EIPR1: variants seen among roughly 807,000 people sequenced by gnomAD.
EIPR1 encodes the protein EARP complex and GARP complex interacting protein 1, also known as EARP and GARP complex-interacting protein 1.
EIPR1 carries 25 observed loss-of-function variants against 48.1 expected under a neutral mutation model. The observed-to-expected ratio is 0.52, with a 90% confidence interval of 0.38 to 0.73. The LOEUF is 0.73. Ranked by LOEUF, EIPR1 falls within the 30% of genes least tolerant of loss-of-function variation. EIPR1 has a pLI of 0.00. For missense variants in EIPR1, 415 were observed against 506.2 expected, an observed-to-expected ratio of 0.82 and a Z score of 1.73; for synonymous variants, 204 against 201.9, an observed-to-expected ratio of 1.01 and a Z score of -0.09.
intron 4 of EIPR1, among the ~76,000 whole-genome samples, chr2:3,217,227 T>A (rs545078955): frequency 6.6e-6 from 1 of 152,188 alleles, no homozygotes; most frequent in Admixed American, 6.5e-5. Flanking sequence ...CTAGGGCAGT[T>A]CGTTTTGGAT....
intron 4 of EIPR1, among the ~76,000 whole-genome samples, chr2:3,255,881 C>T (rs1384422144): frequency 6.6e-6 from 1 of 152,230 alleles, no homozygotes; most frequent in African/African-American, 2.4e-5. Context: ...GCATCACACA[C>T]ATGCGCACAA....
At chr2:3,309,595 G>A (rs1020258180) in intron 3 of EIPR1, among the ~76,000 whole-genome samples, 1 of 152,130 alleles carries the variant, frequency 6.6e-6, no homozygotes, top group African/African-American at 2.4e-5. Context: ...GCTCCATACG[G>A]CCTATGCAGT....
intron 1 of EIPR1, among the ~76,000 whole-genome samples, chr2:3,364,406 G>A (rs928542727): frequency 3.9e-5 from 6 of 152,118 alleles, no homozygotes; most frequent in Admixed American, 6.5e-5. Context: ...AAGGCAGGAG[G>A]ATTGCTTGAG....
chr2:3,212,983 T>C (rs1476609488), intron 5 of EIPR1, among the ~76,000 whole-genome samples: 1 of 152,238 alleles, frequency 6.6e-6, no homozygotes, highest in Non-Finnish European at 1.5e-5. Flanking sequence ...GTCTTACTTC[T>C]GTGCCACTTA....
At chr2:3,226,223 T>C (rs1666060382) in intron 4 of EIPR1, among the ~76,000 whole-genome samples, 1 of 152,246 alleles carries the variant, frequency 6.6e-6, no homozygotes, top group African/African-American at 2.4e-5. Context: ...TTTTCCATTA[T>C]GTTCATTCCC....
intron 1 of EIPR1, among the ~76,000 whole-genome samples, chr2:3,368,129 G>A (rs1051078894): frequency 2.6e-5 from 4 of 152,112 alleles, no homozygotes; most frequent in Admixed American, 2.0e-4. Flanking sequence ...ACCCTGAAGC[G>A]CTGGCCTGGT....
chr2:3,219,463 G>C (rs1558231546), intron 4 of EIPR1, among the ~76,000 whole-genome samples: 1 of 151,410 alleles, frequency 6.6e-6, no homozygotes, highest in Non-Finnish European at 1.5e-5. Flanking sequence ...AGCTTTCACA[G>C]TGAGTCAGGT....
At chr2:3,339,033 A>G (rs1163531319) in intron 2 of EIPR1, among the ~76,000 whole-genome samples, 1 of 152,266 alleles carries the variant, frequency 6.6e-6, no homozygotes, top group Non-Finnish European at 1.5e-5. Flanking sequence ...AAACTGTTCA[A>G]ATAAATTGCA....
chr2:3,373,133 A>G (rs1365484508), intron 1 of EIPR1, among the ~76,000 whole-genome samples: 2 of 151,836 alleles, frequency 1.3e-5, no homozygotes, highest in African/African-American at 4.8e-5. Context: ...CAAAAACCAT[A>G]TGATTATCTC....
intron 3 of EIPR1, among the ~76,000 whole-genome samples, chr2:3,306,701 G>A (rs995139871): frequency 6.6e-6 from 1 of 152,174 alleles, no homozygotes; most frequent in Non-Finnish European, 1.5e-5. Flanking sequence ...GTGGAAGTGG[G>A]ATCATCATAA....
Position 3,272,736 on chromosome 2 carries a change from CCA to C in EIPR1, c.260-15283_260-15282del, listed in dbSNP as rs1667735409. On this transcript the variant is annotated intron_variant, in intron 3 of 8. Coordinates refer to ENST00000382125, the MANE Select transcript of EIPR1 (RefSeq NM_003310.5). ...AATATTGTGAGATTATCAAAATGTG[CCA>C]CAGAGTGGGACGTGCTGTTAAAGCT... Among the ~76,000 whole-genome samples the C allele has an allele frequency of 2.0e-5, 3 of 152,278 alleles. No homozygotes were observed. In the South Asian group the frequency reaches 6.2e-4, roughly 32 times the overall value.
chr2:3,202,138 C>T (rs956617142), intron 5 of EIPR1, among the ~76,000 whole-genome samples: 21 of 152,192 alleles, frequency 1.4e-4, no homozygotes, highest in Middle Eastern at 3.4e-3. Flanking sequence ...GGGGTTTCAC[C>T]ATGTTAGCCA....
intron 2 of EIPR1, among the ~76,000 whole-genome samples, chr2:3,351,764 C>T (rs1670584584): frequency 6.6e-6 from 1 of 152,220 alleles, no homozygotes; most frequent in Admixed American, 6.5e-5. Context: ...ATTTTACATC[C>T]TGAATAGATG....
Position 3,231,266 on chromosome 2 carries a change from C to T in EIPR1, c.417-17018G>A, listed in dbSNP as rs534624428. 5.3e-5 allele frequency among the ~76,000 whole-genome samples: 8 copies of T among 152,236 alleles called. No homozygotes were observed. The South Asian group carries it at 1.2e-3, about 24-fold the overall frequency. On this transcript the variant is annotated intron_variant, in intron 4 of 8. Coordinates refer to ENST00000382125, the MANE Select transcript of EIPR1 (RefSeq NM_003310.5). ...GCTTTAGTGGAATCTTTAGGGTTTT[C>T]TATATTAGGATCATGTTGTCTACAA...
chr2:3,224,210 T>C (rs1323172539), intron 4 of EIPR1, among the ~76,000 whole-genome samples: 1 of 152,114 alleles, frequency 6.6e-6, no homozygotes, highest in Non-Finnish European at 1.5e-5. Flanking sequence ...CCGTTTTCCA[T>C]CATTAAAACA....
intron 1 of EIPR1, among the ~76,000 whole-genome samples, chr2:3,357,812 A>C (rs1017443893): frequency 4.9e-5 from 7 of 142,490 alleles, no homozygotes; most frequent in Non-Finnish European, 7.4e-5. Flanking sequence ...TTTTCTTTTA[A>C]CAGAGTCCGT....
At chr2:3,226,206 C>T (rs1666059719) in intron 4 of EIPR1, among the ~76,000 whole-genome samples, 1 of 152,190 alleles carries the variant, frequency 6.6e-6, no homozygotes, top group Non-Finnish European at 1.5e-5. Flanking sequence ...GAGGAACCTC[C>T]AAACTGTTTT....
At chr2:3,347,700 GA>G (rs1203534721) in intron 2 of EIPR1, among the ~76,000 whole-genome samples, 1 of 152,094 alleles carries the variant, frequency 6.6e-6, no homozygotes, top group East Asian at 1.9e-4. Context: ...TTGAAAGCTG[GA>G]AAAAAACAAT....
chr2:3,197,041 AAAGG>A (rs754612827), intron 5 of EIPR1, 24 bp from the exon 6 acceptor site: 9 of 1,611,842 alleles, frequency 5.6e-6, no homozygotes, highest in Non-Finnish European at 7.6e-6. Flanking sequence ...GATGTTTTCC[AAAGG>A]AAGAAGAAAA....
Sources: gnomAD v4.1 joint callset for allele counts (sites outside exome capture counted in the v4.1 genomes callset) on GRCh38, gnomAD v4.1.1 for gene constraint, MANE v1.5 for transcripts, NCBI Gene and HGNC (gene_info 2026-07-23, HGNC 2026-07-21) for gene names.